SAP30BP: variants seen among roughly 807,000 people sequenced by gnomAD.
SAP30BP encodes the protein SAP30 binding protein, also known as SAP30-binding protein.
In SAP30BP, 31 loss-of-function variants were observed where a neutral mutation model predicts 46.3. The ratio of observed to expected loss-of-function variants is 0.67; its 90% CI spans 0.50 to 0.90. SAP30BP has a LOEUF of 0.90. Ranked by LOEUF, SAP30BP falls within the 40% of genes least tolerant of loss-of-function variation. The pLI is 0.00. For missense variants in SAP30BP, 312 were observed against 391.0 expected (o/e 0.80, Z 1.70); for synonymous variants, 169 against 144.2 (o/e 1.17, Z -1.23).
In SAP30BP at chr17:75,706,695, G is replaced by A; in HGVS notation, c.*174G>A. The A allele has an allele frequency of 3.2e-6, 2 of 633,454 alleles. No homozygotes were observed. The highest frequency in any genetic ancestry group is 5.5e-6 in the Non-Finnish European group (2 of 364,412). 39.2% of individuals were successfully genotyped at this position (633,454 alleles called of 1,614,324 possible). On this transcript the variant is annotated 3_prime_UTR_variant, in exon 11 of 11. Transcript: ENST00000584667. The surrounding 1 kb of genome is among the most constrained non-coding windows in gnomAD (Gnocchi z 4.6). ...ACAGGCAGCACGGGAGCCAGGCGCT[G>A]TGGACAGGGTCTGTCCACGCACCAC...
At chr17:75,693,517 A>T in intron 4 of SAP30BP, 35 bp downstream of exon 4, 1 of 1,606,938 alleles carries the variant, frequency 6.2e-7, no homozygotes, top group Non-Finnish European at 8.5e-7. Context: ...CACGTTTCTC[A>T]GCCTTGCTCC....
At chr17:75,675,185 T>C (rs1031892538) in intron 3 of SAP30BP, among the ~76,000 whole-genome samples, 9 of 152,178 alleles carry the variant, frequency 5.9e-5, no homozygotes, top group Non-Finnish European at 1.2e-4. Context: ...AGTTTCGCTC[T>C]TGTTGCCCAA....
At chr17:75,705,145 C>G in intron 9 of SAP30BP, 1 of 332,028 alleles carries the variant, frequency 3.0e-6, no homozygotes, top group Non-Finnish European at 5.9e-6. Context: ...TAAGAGAGTG[C>G]CAGGCCCAGC....
At chr17:75,684,727 C>T (rs966934001) in intron 3 of SAP30BP, 2 of 152,136 alleles carry the variant, frequency 1.3e-5, no homozygotes. Context: ...CCTACCCCAG[C>T]CTGAGGTCTA....
intron 9 of SAP30BP, chr17:75,705,041 C>G (rs371168894): frequency 2.1e-5 from 11 of 525,250 alleles, no homozygotes; most frequent in East Asian, 6.7e-5. Context: ...ATTGTGCCCC[C>G]CTTTCCTCCC....
At chr17:75,693,548 A>G in intron 4 of SAP30BP, 66 bp downstream of exon 4, 6 of 1,488,256 alleles carry the variant, frequency 4.0e-6, no homozygotes, top group Non-Finnish European at 5.6e-6. Flanking sequence ...GCTTCCAGCC[A>G]TGCCAGGCCT....
intron 3 of SAP30BP, among the ~76,000 whole-genome samples, chr17:75,689,241 C>G (rs1255142033): frequency 6.6e-6 from 1 of 150,698 alleles, no homozygotes; most frequent in Non-Finnish European, 1.5e-5. Flanking sequence ...CTCCACCTCT[C>G]AAGTAGCTGG....
rs115695713 is a variant in SAP30BP at position 75,671,931 on chromosome 17, G to A, written c.264+68G>A. 6.0e-3 allele frequency: 7,416 copies of A among 1,238,006 alleles called. 46 individuals are homozygous for A. Among genetic ancestry groups the A allele is most frequent in the African/African-American group, 0.015 (995 of 67,684 alleles). 76.7% of individuals were successfully genotyped at this position (1,238,006 alleles called of 1,614,324 possible). ...GTGTTTGAACACTGTGGCTCAGTTC[G>A]TATGTTTGGTCAAGATCTGTCCCAC... On this transcript the variant is annotated intron_variant, in intron 3 of 10. Transcript: ENST00000584667.
intron 2 of SAP30BP, among the ~76,000 whole-genome samples, chr17:75,670,508 ATTCATAACTCTTTTC>A (rs1166648996): frequency 2.6e-5 from 3 of 115,394 alleles, no homozygotes; most frequent in Admixed American, 8.6e-5. Context: ...CTGGCTTAAT[ATTCATAACTCTTTTC>A]TTTAGTACGT....
At chr17:75,682,789 C>T (rs956785984) in intron 3 of SAP30BP, among the ~76,000 whole-genome samples, 14 of 151,082 alleles carry the variant, frequency 9.3e-5, no homozygotes, top group South Asian at 8.4e-4. Context: ...TAGTGAAACC[C>T]CCATCTCTAC....
intron 4 of SAP30BP, among the ~76,000 whole-genome samples, chr17:75,693,872 T>C (rs1431818120): frequency 6.6e-6 from 1 of 152,190 alleles, no homozygotes; most frequent in Non-Finnish European, 1.5e-5. Flanking sequence ...GCATGTGGCC[T>C]CTGCTGGCAC....
At chr17:75,704,406 C>T (rs1433338528) in intron 8 of SAP30BP, among the ~76,000 whole-genome samples, 1 of 152,234 alleles carries the variant, frequency 6.6e-6, no homozygotes, top group Non-Finnish European at 1.5e-5. Flanking sequence ...ATTTTGTCAT[C>T]TTTTAATTTG....
At chr17:75,688,192 A>T (rs2060190358) in intron 3 of SAP30BP, among the ~76,000 whole-genome samples, 1 of 152,148 alleles carries the variant, frequency 6.6e-6, no homozygotes, top group Admixed American at 6.5e-5. Context: ...GGGTGCAGAA[A>T]GGGGAGGAAG....
chr17:75,702,442 G>A, intron 5 of SAP30BP, 38 bp from the exon 6 acceptor site: 2 of 950,592 alleles, frequency 2.1e-6, no homozygotes, highest in Non-Finnish European at 3.3e-6. Context: ...GTGGGCTTCT[G>A]TCATACACCC....
At chr17:75,688,697 C>T (rs1417531897) in intron 3 of SAP30BP, among the ~76,000 whole-genome samples, 1 of 152,146 alleles carries the variant, frequency 6.6e-6, no homozygotes, top group Non-Finnish European at 1.5e-5. Flanking sequence ...AGTAAATCCT[C>T]CCAGCTCAAA....
At chr17:75,677,613 T>TC (rs1368492160) in intron 3 of SAP30BP, among the ~76,000 whole-genome samples, 2 of 149,446 alleles carry the variant, frequency 1.3e-5, no homozygotes, top group African/African-American at 4.9e-5. Context: ...TGTATTTTTT[T>TC]TTTTTTTTTT....
At chr17:75,692,261 CT>C (rs2060252786) in intron 3 of SAP30BP, 1 of 985,492 alleles carries the variant, frequency 1.0e-6, no homozygotes. Context: ...TTCCTGGCAC[CT>C]TCCTTTTGGA....
chr17:75,705,814 T>C (rs564131065), intron 9 of SAP30BP, 194 bp from the exon 10 acceptor site: 52 of 1,068,804 alleles, frequency 4.9e-5, no homozygotes, highest in African/African-American at 4.8e-4. Flanking sequence ...GTTTGGAAAG[T>C]TCTTTTAAGA....
intron 2 of SAP30BP, among the ~76,000 whole-genome samples, chr17:75,669,141 A>G (rs1252789905): frequency 6.6e-6 from 1 of 151,356 alleles, no homozygotes; most frequent in Non-Finnish European, 1.5e-5. Flanking sequence ...TGGTGTGATC[A>G]TAGATAGTTC....
Sources: gnomAD v4.1 joint callset for allele counts (sites outside exome capture counted in the v4.1 genomes callset) on GRCh38, gnomAD v4.1.1 for gene constraint, Gnocchi (gnomAD v3.1) non-coding constraint, MANE v1.5 for transcripts, NCBI Gene and HGNC (gene_info 2026-07-23, HGNC 2026-07-21) for gene names.